The following AMZ2 variants were observed in gnomAD, a reference collection of about 807,000 sequenced individuals.
AMZ2 encodes archaelysin family metallopeptidase 2, also known as archaemetzincin-2.
AMZ2 carries 26 observed loss-of-function variants against 36.7 expected under a neutral mutation model. The ratio of observed to expected loss-of-function variants is 0.71; its 90% CI spans 0.52 to 0.98. The LOEUF (loss-of-function observed/expected upper bound fraction) is 0.98. Ranked by LOEUF, AMZ2 falls within the 50% of genes least tolerant of loss-of-function variation. The probability of loss-of-function intolerance (pLI) is 0.00; values close to 1 mark genes in which losing one functional copy is unlikely to be tolerated. For synonymous variants in AMZ2, 144 were observed against 149.1 expected (o/e 0.97, Z 0.25); for missense variants, 394 against 430.5 (o/e 0.92, Z 0.75).
intron 1 of AMZ2, among the ~76,000 whole-genome samples, chr17:68,239,947 G>C (rs569158087): frequency 6.6e-6 from 1 of 152,212 alleles, no homozygotes; most frequent in Non-Finnish European, 1.5e-5. Context: ...ACTATCTATA[G>C]AGAAATACGA....
At chr17:68,206,483 TC>T (rs547942717) in intron 1 of AMZ2, 5 of 173,656 alleles carry the variant, frequency 2.9e-5, no homozygotes, top group Non-Finnish European at 3.6e-5. Flanking sequence ...GCTCTCTCTC[TC>T]CCCCCCAACC....
upstream of AMZ2, among the ~76,000 whole-genome samples, chr17:68,245,915 A>C (rs1270375563): frequency 2.0e-5 from 3 of 152,146 alleles, no homozygotes; most frequent in Non-Finnish European, 1.5e-5. Flanking sequence ...GGTGACAACT[A>C]AGCTAAAGAA....
At position 68,250,949 on chromosome 17, in the gene AMZ2, A is replaced by T; in HGVS notation, c.439A>T (p.Asn147Tyr). 1 of 1,612,554 alleles carries T rather than the reference A, an allele frequency of 6.2e-7. No individual in the cohort carries two copies. Among genetic ancestry groups the T allele is most frequent in the Non-Finnish European group, 8.5e-7 (1 of 1,179,696 alleles). Residue 147 changes from asparagine (N) to tyrosine (Y), a missense_variant, in exon 3 of 7, where the codon AAC becomes TAC. Coordinates refer to ENST00000359904, the MANE Select transcript of AMZ2 (RefSeq NM_016627.5). The part of the protein sequence containing the change: ...CSFRVNENTH[N>Y]LQIHAGDILK... The stretch of plus-strand genomic sequence containing the variant: ...CTTTAGAGTCAATGAGAACACACAC[A>T]ACCTACAAATTCATGCAGGTGAATT...
At chr17:68,216,925 C>G (rs1271854910) in intron 1 of AMZ2, among the ~76,000 whole-genome samples, 2 of 150,708 alleles carry the variant, frequency 1.3e-5, no homozygotes, top group African/African-American at 4.9e-5. Context: ...TCCAGCTACT[C>G]GGGAGGCTGA....
At chr17:68,233,652 T>G (rs2073721419) in intron 1 of AMZ2, among the ~76,000 whole-genome samples, 1 of 152,140 alleles carries the variant, frequency 6.6e-6, no homozygotes, top group African/African-American at 2.4e-5. Context: ...TCATTCTCTC[T>G]ATGAGCTTGG....
At chr17:68,220,516 CA>C (rs1357211426) in intron 1 of AMZ2, among the ~76,000 whole-genome samples, 1 of 151,628 alleles carries the variant, frequency 6.6e-6, no homozygotes, top group African/African-American at 2.4e-5. Flanking sequence ...TATAAGTGCT[CA>C]AAAAATGTTT....
intron 1 of AMZ2, among the ~76,000 whole-genome samples, chr17:68,219,698 A>AT (rs71142147): frequency 0.09 from 12,697 of 141,760 alleles, 770 homozygotes; most frequent in Middle Eastern, 0.17. Flanking sequence ...CATCTGGCAA[A>AT]TTTTTTTTTT....
chr17:68,239,765 G>A (rs1446473988), intron 1 of AMZ2, among the ~76,000 whole-genome samples: 3 of 151,814 alleles, frequency 2.0e-5, no homozygotes, highest in Non-Finnish European at 4.4e-5. Context: ...CTGCCAGATC[G>A]CCTCTGAGAA....
chr17:68,255,278 GT>G (rs1257450125), intron 5 of AMZ2, among the ~76,000 whole-genome samples: 3 of 152,040 alleles, frequency 2.0e-5, no homozygotes, highest in African/African-American at 7.2e-5. Flanking sequence ...ATTACAACAA[GT>G]ACCCTAGTGT....
chr17:68,233,370 G>A (rs1278421112), intron 1 of AMZ2, among the ~76,000 whole-genome samples: 31 of 152,106 alleles, frequency 2.0e-4, no homozygotes, highest in Non-Finnish European at 4.1e-4. Flanking sequence ...TTAGCTGGGC[G>A]TGGTCGTGGG....
At chr17:68,214,281 G>C (rs1233418306) in intron 1 of AMZ2, among the ~76,000 whole-genome samples, 1 of 152,116 alleles carries the variant, frequency 6.6e-6, no homozygotes, top group Non-Finnish European at 1.5e-5. Flanking sequence ...TCAGTATCTT[G>C]AGGTCTGTCC....
At chr17:68,245,828 GTAT>G (rs781821512), upstream of AMZ2, among the ~76,000 whole-genome samples, 63 of 152,228 alleles carry the variant, frequency 4.1e-4, no homozygotes, top group Non-Finnish European at 7.5e-4. Context: ...GACAACTGCA[GTAT>G]TATTATGTAC....
rs148934968 is a variant in AMZ2 at position 68,226,234 on chromosome 17, C to T, written c.-67+19996C>T. Reference sequence around the variant, plus strand: ...CTGCAGGAATCTGAACGAAAAGATGCCAAGCAAAAGGACTGGGAGAAGACC... The same window carrying T: ...CTGCAGGAATCTGAACGAAAAGATGTCAAGCAAAAGGACTGGGAGAAGACC... On this transcript the variant is annotated intron_variant, in intron 1 of 7. Coordinates refer to the AMZ2 transcript ENST00000674770. Among the ~76,000 whole-genome samples, 716 of 152,156 alleles carry T rather than the reference C, an allele frequency of 4.7e-3. 5 individuals carry two copies. Among genetic ancestry groups the T allele is most frequent in the African/African-American group, 0.016 (679 of 41,502 alleles).
At chr17:68,246,559 G>T (rs1320723691), upstream of AMZ2, 1 of 152,158 alleles carries the variant, frequency 6.6e-6, no homozygotes, top group Non-Finnish European at 1.5e-5. Context: ...GAAAGCCCAC[G>T]ACTTCTCAAG....
At position 68,250,438 on chromosome 17, in the gene AMZ2, CA is replaced by C; in HGVS notation, c.254del (p.Asn85ThrfsTer13). ...FSDPYRKTPS[P>X]NKRSIYIQSI... is the part of the protein sequence containing the mutation. ...GATCCTTACAGAAAGACACCCTCTC[CA>C]AACAAACGCAGCATTTATATACAGT... On this transcript the variant is annotated frameshift_variant, in exon 2 of 7. Coordinates refer to ENST00000359904, the MANE Select transcript of AMZ2 (RefSeq NM_016627.5). LOFTEE classifies it high-confidence loss of function. The C allele has an allele frequency of 6.2e-7, 1 of 1,614,108 alleles. No individual in the cohort carries two copies. The highest frequency in any genetic ancestry group is 1.1e-5 in the South Asian group (1 of 91,074).
intron 4 of AMZ2, among the ~76,000 whole-genome samples, chr17:68,253,190 A>G (rs2074618267): frequency 6.6e-6 from 1 of 152,252 alleles, no homozygotes; most frequent in Non-Finnish European, 1.5e-5. Flanking sequence ...GTTACTTGTG[A>G]TAAAGGAATA....
At chr17:68,250,676 A>C (rs1436540645) in intron 2 of AMZ2, 118 bp from the exon 3 acceptor site, 13 of 1,184,724 alleles carry the variant, frequency 1.1e-5, no homozygotes, top group African/African-American at 1.5e-5. Context: ...TGAATGATAA[A>C]GGTTATTGAA....
chr17:68,216,788 C>T (rs8074022), intron 1 of AMZ2, among the ~76,000 whole-genome samples: 46,550 of 151,730 alleles, frequency 0.31, 7,261 homozygotes, highest in African/African-American at 0.35. Flanking sequence ...CCCAGCACTT[C>T]GGGAGGCTGA....
intron 1 of AMZ2, among the ~76,000 whole-genome samples, chr17:68,236,748 T>A (rs559168774): frequency 2.2e-4 from 33 of 148,338 alleles, no homozygotes; most frequent in Admixed American, 9.7e-4. Context: ...AATTTTTTTT[T>A]TATATATATT....
Sources: allele counts gnomAD v4.1 joint callset (sites outside exome capture counted in the v4.1 genomes callset), GRCh38; gene constraint gnomAD v4.1.1; transcripts MANE v1.5; gene names NCBI Gene and HGNC (gene_info 2026-07-23, HGNC 2026-07-21).